CENPP: variants seen among roughly 807,000 people sequenced by gnomAD.
CENPP encodes the protein centromere protein P.
In CENPP, 24 loss-of-function variants were observed where a neutral mutation model predicts 35.6. That is an observed-to-expected ratio of 0.67 (90% confidence interval 0.49 to 0.95). CENPP has a LOEUF of 0.95. Ranked by LOEUF, CENPP falls within the 40% of genes least tolerant of loss-of-function variation. CENPP has a pLI of 0.00. For synonymous variants in CENPP, 120 were observed against 125.5 expected, an observed-to-expected ratio of 0.96 and a Z score of 0.29; for missense variants, 332 against 345.3, an observed-to-expected ratio of 0.96 and a Z score of 0.31.
At chr9:92,413,999 G>A (rs1843516060) in intron 5 of CENPP, among the ~76,000 whole-genome samples, 1 of 152,152 alleles carries the variant, frequency 6.6e-6, no homozygotes, top group African/African-American at 2.4e-5. Context: ...TGTATAGGCA[G>A]CCCTAGATTG....
Position 92,580,197 on chromosome 9 carries a change from G to A in CENPP, c.565-31117G>A, listed in dbSNP as rs1051655496. Among the ~76,000 whole-genome samples, 7 of 152,108 alleles carry A rather than the reference G, an allele frequency of 4.6e-5. No homozygotes were observed. In the South Asian group the frequency reaches 8.3e-4, roughly 18 times the overall value. ...AGCTTTTTCATGTGCTGCTGGATTC[G>A]GTTTGCCAGTATTTTATTGAGGATT... On this transcript the variant is annotated intron_variant, in intron 5 of 7. Transcript: ENST00000375587.
At chr9:92,369,000 T>A (rs372508156) in intron 4 of CENPP, among the ~76,000 whole-genome samples, 6 of 152,314 alleles carry the variant, frequency 3.9e-5, no homozygotes, top group African/African-American at 1.4e-4. Context: ...GTTACGATCA[T>A]GCCACTGCAC....
chr9:92,604,383 G>A (rs1851014062), intron 5 of CENPP, among the ~76,000 whole-genome samples: 1 of 152,100 alleles, frequency 6.6e-6, no homozygotes, highest in African/African-American at 2.4e-5. Context: ...GTTTAAAATT[G>A]GGTTATTTAT....
intron 5 of CENPP, among the ~76,000 whole-genome samples, chr9:92,418,025 G>A (rs964642661): frequency 9.2e-5 from 14 of 151,950 alleles, no homozygotes; most frequent in African/African-American, 2.9e-4. Flanking sequence ...ACCACGCCTG[G>A]CCTCAAACCA....
intron 5 of CENPP, among the ~76,000 whole-genome samples, chr9:92,417,750 C>T (rs1843662836): frequency 6.6e-6 from 1 of 152,126 alleles, no homozygotes; most frequent in East Asian, 1.9e-4. Context: ...GACAGTGTCT[C>T]CTCTGTCACC....
chr9:92,423,810 G>C (rs1315834587), intron 5 of CENPP, among the ~76,000 whole-genome samples: 1 of 152,040 alleles, frequency 6.6e-6, no homozygotes, highest in African/African-American at 2.4e-5. Flanking sequence ...CCCCCAACCG[G>C]AATCACTAGC....
intron 4 of CENPP, among the ~76,000 whole-genome samples, chr9:92,353,929 A>C (rs1166437659): frequency 1.3e-5 from 2 of 152,198 alleles, no homozygotes; most frequent in Non-Finnish European, 2.9e-5. Flanking sequence ...CCAGCTTTGC[A>C]AAGTATTGTC....
chr9:92,615,377 T>G lies in CENPP; in HGVS notation c.*2228T>G, dbSNP rs1477181127. ...GGCTTGCACTGAAAAAGTGACCATG[T>G]AACTCAGCTGGGGGAAGTTCCAGTA... On this transcript the variant is annotated 3_prime_UTR_variant, in exon 8 of 8. Coordinates refer to ENST00000375587, the MANE Select transcript of CENPP (RefSeq NM_001012267.3). The G allele has an allele frequency of 5.8e-6, 1 of 173,664 alleles. No individual in the cohort carries two copies. The highest frequency in any genetic ancestry group is 2.4e-5 in the African/African-American group (1 of 41,592). The allele number at this position is 173,664 out of a possible 1,614,324, so 10.8% of individuals were successfully genotyped here. A position where few individuals can be genotyped will look rare whatever the true frequency, so the allele number is the denominator to read the frequency against.
chr9:92,326,699 T>C (rs1840528054), intron 1 of CENPP, among the ~76,000 whole-genome samples: 1 of 152,174 alleles, frequency 6.6e-6, no homozygotes. Context: ...TTGTCAGAGA[T>C]GGATTGGGAC....
chr9:92,564,152 C>G (rs1307510750), intron 5 of CENPP, among the ~76,000 whole-genome samples: 1 of 151,940 alleles, frequency 6.6e-6, no homozygotes, highest in Non-Finnish European at 1.5e-5. Flanking sequence ...TTTGGGAGGC[C>G]GAGGTGGGCA....
At chr9:92,553,635 T>A (rs190045347) in intron 5 of CENPP, among the ~76,000 whole-genome samples, 2 of 152,292 alleles carry the variant, frequency 1.3e-5, no homozygotes, top group East Asian at 3.9e-4. Flanking sequence ...CTTGGTTAGG[T>A]ATATTCCTAA....
intron 5 of CENPP, chr9:92,466,211 C>T (rs183372524): frequency 1.6e-4 from 98 of 616,862 alleles, no homozygotes; most frequent in Non-Finnish European, 2.2e-4. Flanking sequence ...TTTTGTTGGA[C>T]ATTTTAATTG....
chr9:92,336,134 C>A (rs537268206), intron 2 of CENPP, among the ~76,000 whole-genome samples: 1 of 152,220 alleles, frequency 6.6e-6, no homozygotes, highest in Non-Finnish European at 1.5e-5. Context: ...ATTTGAAGAC[C>A]ACTTGTATTA....
At chr9:92,612,022 C>T (rs558862850) in intron 6 of CENPP, among the ~76,000 whole-genome samples, 4 of 152,314 alleles carry the variant, frequency 2.6e-5, no homozygotes, top group East Asian at 1.9e-4. Flanking sequence ...AGTGCAGTTT[C>T]ACTGCTCATC....
rs1399267050 is a variant in CENPP, at chr9:92,358,979, C to T, written c.467+13192C>T. On this transcript the variant is annotated intron_variant, in intron 4 of 7. Transcript: ENST00000375587. ...TTTTTTTTTTTTTGAGATGGAGTTT[C>T]GCTCTTGTTGCCCAGGCTGGAGTGT... 5.8e-4 allele frequency among the ~76,000 whole-genome samples: 57 copies of T among 97,556 alleles called. No homozygotes were observed. The South Asian group carries it at 0.015, about 25-fold the overall frequency. The allele number at this position is 97,556 out of a possible 152,430, so 64.0% of individuals were successfully genotyped here.
intron 5 of CENPP, among the ~76,000 whole-genome samples, chr9:92,381,707 T>C (rs1413239900): frequency 6.6e-6 from 1 of 152,220 alleles, no homozygotes; most frequent in East Asian, 1.9e-4. Flanking sequence ...TGATATCTGT[T>C]TGCACCTCTT....
chr9:92,393,364 C>T, intron 5 of CENPP: 2 of 737,280 alleles, frequency 2.7e-6, no homozygotes, highest in Non-Finnish European at 2.1e-6. Context: ...TTTACAGAAT[C>T]ATAAGAAAGA....
intron 5 of CENPP, among the ~76,000 whole-genome samples, chr9:92,429,444 C>A (rs1460229610): frequency 6.6e-6 from 1 of 152,160 alleles, no homozygotes; most frequent in East Asian, 1.9e-4. Flanking sequence ...AGGTAAAGAA[C>A]AAATGACTGT....
chr9:92,422,005 G>A (rs1453887397), intron 5 of CENPP, among the ~76,000 whole-genome samples: 5 of 151,810 alleles, frequency 3.3e-5, no homozygotes, highest in South Asian at 2.1e-4. Context: ...GATATTTTAT[G>A]TATAATTTTA....
Sources: gnomAD v4.1 joint callset for allele counts (sites outside exome capture counted in the v4.1 genomes callset) on GRCh38, gnomAD v4.1.1 for gene constraint, MANE v1.5 for transcripts, NCBI Gene and HGNC (gene_info 2026-07-23, HGNC 2026-07-21) for gene names.